Variants in SIL1 observed in about 807,000 individuals in gnomAD.
SIL1 encodes nucleotide exchange factor SIL1.
SIL1 carries 40 observed loss-of-function variants against 49.1 expected under a neutral mutation model. That is an observed-to-expected ratio of 0.81 (90% CI 0.63 to 1.06). The LOEUF (loss-of-function observed/expected upper bound fraction) is 1.06, where lower values mean the gene tolerates loss of function less well. Ranked by LOEUF, SIL1 falls within the 50% of genes least tolerant of loss-of-function variation. SIL1 has a pLI of 0.00. For missense variants in SIL1, 500 were observed against 572.6 expected, an observed-to-expected ratio of 0.87 and a Z score of 1.29; for synonymous variants, 253 against 250.8, an observed-to-expected ratio of 1.01 and a Z score of -0.08.
intron 5 of SIL1, among the ~76,000 whole-genome samples, chr5:139,028,654 G>T (rs1168683463): frequency 6.6e-6 from 1 of 152,044 alleles, no homozygotes; most frequent in South Asian, 2.1e-4. Flanking sequence ...TTTACATAAG[G>T]ATATTACATA....
intron 1 of SIL1, among the ~76,000 whole-genome samples, chr5:139,154,567 C>T (rs150041700): frequency 6.6e-6 from 1 of 152,352 alleles, no homozygotes; most frequent in African/African-American, 2.4e-5. Context: ...GTGATTGAAT[C>T]ACTGATAAGA....
In SIL1 at chr5:139,105,056, G is replaced by A. The variant is rs149830912; in HGVS notation, c.244+15979C>T. Reference sequence around the variant, plus strand: ...GGGCAGGGATAGGGCGGCAGGACTCGCTCTCCGTACACACAGCCTGCCTGC... The same window carrying A: ...GGGCAGGGATAGGGCGGCAGGACTCACTCTCCGTACACACAGCCTGCCTGC... On this transcript the variant is annotated intron_variant, in intron 3 of 9. Transcript: ENST00000394817. Among the ~76,000 whole-genome samples the A allele has an allele frequency of 5.8e-4, 88 of 152,260 alleles. No homozygotes were observed. In the East Asian group the frequency reaches 0.015, roughly 26 times the overall value.
intron 7 of SIL1, among the ~76,000 whole-genome samples, chr5:139,014,739 C>G (rs1288124492): frequency 6.6e-6 from 1 of 152,168 alleles, no homozygotes; most frequent in Non-Finnish European, 1.5e-5. Flanking sequence ...AGAGCTATGA[C>G]TATCCAATTT....
intron 1 of SIL1, among the ~76,000 whole-genome samples, chr5:139,168,208 A>G (rs866370435): frequency 6.6e-6 from 1 of 152,224 alleles, no homozygotes; most frequent in Admixed American, 6.5e-5. Context: ...AGGTTTGCAC[A>G]AGGACAAAAA....
At chr5:139,041,562 G>C (rs1769048410) in intron 5 of SIL1, among the ~76,000 whole-genome samples, 1 of 152,128 alleles carries the variant, frequency 6.6e-6, no homozygotes, top group Non-Finnish European at 1.5e-5. Context: ...CTAGCACTTT[G>C]GGAGGCCAAG....
chr5:138,974,342 T>C (rs1767349195), intron 7 of SIL1, among the ~76,000 whole-genome samples: 1 of 152,236 alleles, frequency 6.6e-6, no homozygotes, highest in Non-Finnish European at 1.5e-5. Flanking sequence ...TCACCACCTC[T>C]GTCCTCCCCC....
chr5:139,085,684 A>G (rs887231764), intron 3 of SIL1, among the ~76,000 whole-genome samples: 3 of 152,182 alleles, frequency 2.0e-5, no homozygotes, highest in Non-Finnish European at 4.4e-5. Context: ...AATTATCATA[A>G]GGCTGGTTTA....
chr5:139,121,269 C>A (rs1007267551), intron 2 of SIL1, 96 bp from the exon 3 acceptor site: 8 of 1,516,560 alleles, frequency 5.3e-6, no homozygotes, highest in Non-Finnish European at 7.3e-6. Flanking sequence ...TTCCTCCATG[C>A]CCCTCTCCCC....
chr5:139,129,041 G>T (rs1393342682), intron 1 of SIL1, among the ~76,000 whole-genome samples: 1 of 152,168 alleles, frequency 6.6e-6, no homozygotes, highest in Non-Finnish European at 1.5e-5. Context: ...CAGCTACCTA[G>T]GAGGCTGAGG....
chr5:139,193,696 A>G (rs1364455667), intron 1 of SIL1, among the ~76,000 whole-genome samples: 1 of 152,242 alleles, frequency 6.6e-6, no homozygotes, highest in Non-Finnish European at 1.5e-5. Context: ...CTAAGGGCAC[A>G]GTGTTCATTA....
At chr5:139,069,736 G>A (rs906435057) in intron 3 of SIL1, among the ~76,000 whole-genome samples, 1 of 152,134 alleles carries the variant, frequency 6.6e-6, no homozygotes, top group Admixed American at 6.5e-5. Context: ...GATTTTAAAG[G>A]CAAAGGAAAG....
chr5:138,981,124 A>G (rs1487503457), intron 7 of SIL1, among the ~76,000 whole-genome samples: 5 of 151,516 alleles, frequency 3.3e-5, no homozygotes, highest in Non-Finnish European at 7.4e-5. Flanking sequence ...GAGGCAGGAG[A>G]ATCGCTTGAA....
At chr5:139,194,884 A>G (rs536726697) in intron 1 of SIL1, among the ~76,000 whole-genome samples, 1 of 152,296 alleles carries the variant, frequency 6.6e-6, no homozygotes, top group Admixed American at 6.5e-5. Context: ...GTATGTGAAA[A>G]AGAGAATCCA....
At chr5:139,112,107 G>A (rs1770863386) in intron 3 of SIL1, among the ~76,000 whole-genome samples, 1 of 152,340 alleles carries the variant, frequency 6.6e-6, no homozygotes, top group African/African-American at 2.4e-5. Flanking sequence ...TCGGCCTCCC[G>A]AGGTGCCGGG....
Position 139,108,906 on chromosome 5 carries a change from GA to G in SIL1, c.244+12128del, listed in dbSNP as rs11437704. ...ACTGAGAGCATGAAAACAAGGAAAA[GA>G]AAAAAAAAAAAGAGTATTGTGTTCA... On this transcript the variant is annotated intron_variant, in intron 3 of 9. Transcript: ENST00000394817. 8.1e-3 allele frequency among the ~76,000 whole-genome samples: 1,163 copies of G among 143,832 alleles called. 28 individuals are homozygous for G. Among genetic ancestry groups the G allele is most frequent in the Admixed American group, 0.049 (718 of 14,534 alleles). The allele number at this position is 143,832 out of a possible 152,430, so 94.4% of individuals were successfully genotyped here.
chr5:138,988,484 T>C (rs1406791829), intron 7 of SIL1, among the ~76,000 whole-genome samples: 1 of 152,196 alleles, frequency 6.6e-6, no homozygotes, highest in Non-Finnish European at 1.5e-5. Context: ...ACCTCCTTCG[T>C]TTAAACAATA....
chr5:139,165,896 C>T (rs1289537437), intron 1 of SIL1, among the ~76,000 whole-genome samples: 1 of 151,878 alleles, frequency 6.6e-6, no homozygotes, highest in Non-Finnish European at 1.5e-5. Flanking sequence ...ATCTCCTGAC[C>T]TCAAGATCCG....
At position 139,051,260 on chromosome 5, in the gene SIL1, C is replaced by T. The variant is rs6888373; in HGVS notation, c.245-214G>A. The T allele has an allele frequency of 8.1e-3, 4,749 of 584,260 alleles. 112 individuals carry two copies. Among genetic ancestry groups the T allele is most frequent in the African/African-American group, 0.047 (2,526 of 53,906 alleles). 36.2% of individuals were successfully genotyped at this position (584,260 alleles called of 1,614,324 possible). On this transcript the variant is annotated intron_variant, in intron 3 of 9. Transcript: ENST00000394817. ...TATAAGGAAATCTGTAAGGGAATGA[C>T]GTAAGATGGGCAAGAGGATTCACAC...
At chr5:138,986,343 A>G (rs932447561) in intron 7 of SIL1, among the ~76,000 whole-genome samples, 3 of 152,156 alleles carry the variant, frequency 2.0e-5, no homozygotes, top group African/African-American at 7.2e-5. Flanking sequence ...CTGAGTTTCA[A>G]TGATTCACTC....
Sources: allele counts gnomAD v4.1 joint callset (sites outside exome capture counted in the v4.1 genomes callset), GRCh38; gene constraint gnomAD v4.1.1; transcripts MANE v1.5; gene names NCBI Gene and HGNC (gene_info 2026-07-23, HGNC 2026-07-21).